The following ZFHX3 variants were observed in gnomAD, a reference collection of about 807,000 sequenced individuals.
The protein encoded by ZFHX3 is zinc finger homeobox protein 3.
Under a neutral mutation model 279.1 loss-of-function variants are expected in ZFHX3, and 42 were observed. The ratio of observed to expected loss-of-function variants is 0.15; its 90% CI spans 0.12 to 0.19. The LOEUF is 0.19. ZFHX3 is among the 10% of genes least tolerant of loss of function. The probability of loss-of-function intolerance (pLI) is 1.00; values close to 1 mark genes in which losing one functional copy is unlikely to be tolerated. For missense variants in ZFHX3, 4,981 were observed against 4,754.0 expected (o/e 1.05, Z -1.40); for synonymous variants, 2,293 against 1,957.8 (o/e 1.17, Z -4.52).
At chr16:73,399,663 C>G (rs181383090) in intron 3 of ZFHX3, among the ~76,000 whole-genome samples, 122 of 152,298 alleles carry the variant, frequency 8.0e-4, no homozygotes, top group Non-Finnish European at 1.5e-3. Flanking sequence ...GTTACCTCCA[C>G]TGCCTCCAAC....
intron 4 of ZFHX3, among the ~76,000 whole-genome samples, chr16:72,878,787 T>G (rs909126338): frequency 6.6e-6 from 1 of 152,048 alleles, no homozygotes; most frequent in Non-Finnish European, 1.5e-5. Flanking sequence ...CTGTACCAAG[T>G]CCCTACTCTG....
intron 1 of ZFHX3, among the ~76,000 whole-genome samples, chr16:73,754,086 A>C (rs191645583): frequency 6.6e-6 from 1 of 151,206 alleles, no homozygotes; most frequent in African/African-American, 2.4e-5. Context: ...CCACACTGCA[A>C]ACTCCTCTGG....
intron 1 of ZFHX3, among the ~76,000 whole-genome samples, chr16:72,964,813 C>T (rs1961756041): frequency 6.6e-6 from 1 of 152,122 alleles, no homozygotes; most frequent in South Asian, 2.1e-4. Context: ...TTTTTATCCC[C>T]ATTTTAGAAA....
intron 2 of ZFHX3, among the ~76,000 whole-genome samples, chr16:73,487,963 A>T (rs1158459477): frequency 6.6e-6 from 1 of 152,336 alleles, no homozygotes; most frequent in South Asian, 2.1e-4. Context: ...GGTCCCAGAC[A>T]TCTAAGCAAG....
At chr16:73,091,212 G>GA (rs59061383) in intron 8 of ZFHX3, among the ~76,000 whole-genome samples, 118 of 127,818 alleles carry the variant, frequency 9.2e-4, no homozygotes, top group South Asian at 1.2e-3. Context: ...CTCCGTCTCG[G>GA]AAAAAAAAAA....
intron 1 of ZFHX3, among the ~76,000 whole-genome samples, chr16:73,681,130 G>A (rs1337331645): frequency 2.0e-5 from 3 of 152,182 alleles, no homozygotes; most frequent in Admixed American, 1.3e-4. Context: ...AGTGAAAGTT[G>A]AGGTGGTCAA....
At chr16:73,202,096 TA>T (rs2011627672) in intron 5 of ZFHX3, among the ~76,000 whole-genome samples, 1 of 152,200 alleles carries the variant, frequency 6.6e-6, no homozygotes, top group African/African-American at 2.4e-5. Context: ...CATTTAAATG[TA>T]AAGATCTCAG....
rs528094603 is a variant in ZFHX3 at position 73,776,345 on chromosome 16, T to C, written c.-1607-96105A>G. Among the ~76,000 whole-genome samples the C allele has an allele frequency of 5.3e-5, 8 of 152,240 alleles. No individual in the cohort carries two copies. The South Asian group carries it at 1.7e-3, about 32-fold the overall frequency. ...ACAACCTCTCCATTTCCGTAATTAA[T>C]TTCAGACAGCTAAGACGACATGCCC... On this transcript the variant is annotated intron_variant, in intron 1 of 17. Coordinates refer to the ZFHX3 transcript ENST00000641206.
intron 9 of ZFHX3, chr16:72,789,590 CT>C (rs1447983273): frequency 6.6e-6 from 1 of 152,336 alleles, no homozygotes; most frequent in Non-Finnish European, 1.5e-5. Context: ...TCTCTGACCT[CT>C]GTTGCTGCAG....
At chr16:73,483,403 C>G (rs1052700962) in intron 2 of ZFHX3, 1 of 454,590 alleles carries the variant, frequency 2.2e-6, no homozygotes, top group South Asian at 1.6e-5. Flanking sequence ...GGGTAGGGAC[C>G]AAAAGGGCTG....
chr16:73,093,790 T>A, intron 7 of ZFHX3: 1 of 288,772 alleles, frequency 3.5e-6, no homozygotes, highest in Non-Finnish European at 7.0e-6. Flanking sequence ...TTCCTCGTCT[T>A]AAATGAGTGA....
chr16:72,962,385 C>T (rs964482122), intron 1 of ZFHX3, among the ~76,000 whole-genome samples: 73 of 152,204 alleles, frequency 4.8e-4, no homozygotes, highest in African/African-American at 1.7e-3. Context: ...TTTTCTACTC[C>T]AAAGCGGAAG....
chr16:73,629,658 G>A (rs967652109), intron 2 of ZFHX3, among the ~76,000 whole-genome samples: 1 of 151,754 alleles, frequency 6.6e-6, no homozygotes, highest in Non-Finnish European at 1.5e-5. Flanking sequence ...AAAAAAGAAA[G>A]AAAGAAAGGA....
rs769299338 is a variant in ZFHX3 at position 72,787,467 on chromosome 16, G to A, written c.10809C>T (p.Ala3603=). 13 of 1,603,704 alleles carry A rather than the reference G, an allele frequency of 8.1e-6. No homozygotes were observed. Among genetic ancestry groups the A allele is most frequent in the African/African-American group, 6.7e-5 (5 of 74,442 alleles). Residue 3603 remains alanine, a synonymous_variant, in exon 10 of 10, where the codon GCC becomes GCT. Coordinates refer to ENST00000268489, the MANE Select transcript of ZFHX3 (RefSeq NM_006885.4). Reference sequence around the variant, plus strand: ...CGTGGGGGGAAGCGGAGGAGGGGGCGGCGGCCGACGGGGGAGGGGGGCTGT... The same window carrying A: ...CGTGGGGGGAAGCGGAGGAGGGGGCAGCGGCCGACGGGGGAGGGGGGCTGT... ...SNDSPPPPSA[A]APSSASPHAS... is the part of the protein sequence containing the mutation.
intron 1 of ZFHX3, among the ~76,000 whole-genome samples, chr16:73,830,945 T>C (rs933781852): frequency 4.6e-5 from 7 of 152,130 alleles, no homozygotes; most frequent in Non-Finnish European, 8.8e-5. Context: ...ACCACATCAA[T>C]TGCACAGAAG....
At chr16:73,130,357 T>A (rs1837606891) in intron 7 of ZFHX3, among the ~76,000 whole-genome samples, 1 of 152,162 alleles carries the variant, frequency 6.6e-6, no homozygotes, top group Non-Finnish European at 1.5e-5. Context: ...TTATATCCCA[T>A]CTTGCTGTGT....
In ZFHX3 at chr16:72,784,041, T is replaced by G. The variant is rs1242495122; in HGVS notation, c.*3123A>C. ...TTTCAATGAACATATATGTGGGCGGTTTAGTTGCAGAGGAAAGCATTAAGG... is the reference window on the plus strand; with the variant it reads ...TTTCAATGAACATATATGTGGGCGGGTTAGTTGCAGAGGAAAGCATTAAGG... On this transcript the variant is annotated 3_prime_UTR_variant, in exon 10 of 10. Coordinates refer to ENST00000268489, the MANE Select transcript of ZFHX3 (RefSeq NM_006885.4). 2 of 152,126 alleles carry G rather than the reference T, an allele frequency of 1.3e-5. No homozygotes were observed. The highest frequency in any genetic ancestry group is 6.6e-5 in the Admixed American group (1 of 15,256). 9.4% of individuals were successfully genotyped at this position (152,126 alleles called of 1,614,324 possible).
At chr16:73,833,103 T>C (rs425594) in intron 1 of ZFHX3, among the ~76,000 whole-genome samples, 122,366 of 152,194 alleles carry the variant, frequency 0.8, 49,931 homozygotes, top group African/African-American at 0.95. Context: ...TTTATTTAGC[T>C]TATAATCCCA....
chr16:73,536,803 G>A (rs371443012), intron 2 of ZFHX3, among the ~76,000 whole-genome samples: 4 of 152,064 alleles, frequency 2.6e-5, no homozygotes, highest in East Asian at 1.9e-4. Context: ...TCCAGGCTCC[G>A]GGACAGGAGG....
Sources: gnomAD v4.1 joint callset for allele counts (sites outside exome capture counted in the v4.1 genomes callset) on GRCh38, gnomAD v4.1.1 for gene constraint, MANE v1.5 for transcripts, NCBI Gene and HGNC (gene_info 2026-07-23, HGNC 2026-07-21) for gene names.